The following ATP10B variants were observed in gnomAD, a reference collection of about 807,000 sequenced individuals.
ATP10B encodes ATPase phospholipid transporting 10B (putative).
In ATP10B, 122 loss-of-function variants were observed where a neutral mutation model predicts 141.2. That is an observed-to-expected ratio of 0.86 (90% confidence interval 0.75 to 1.00). ATP10B has a LOEUF of 1.00. Among genes scored for constraint, ATP10B ranks in the 50% least tolerant of loss-of-function variants. The probability of loss-of-function intolerance (pLI) is 0.00; values close to 1 mark genes in which losing one functional copy is unlikely to be tolerated. For missense variants in ATP10B, 1,876 were observed against 1,825.3 expected (o/e 1.03, Z -0.51); for synonymous variants, 685 against 692.0 (o/e 0.99, Z 0.16).
intron 3 of ATP10B, among the ~76,000 whole-genome samples, chr5:160,708,116 A>T (rs886581266): frequency 1.1e-4 from 17 of 152,136 alleles, no homozygotes; most frequent in African/African-American, 4.1e-4. Flanking sequence ...GATTGAGGCC[A>T]CTGAGGCAGA....
In ATP10B at chr5:160,824,698, A is replaced by ATATCTAAACAAACACTTTTTTTTATGTTT. The variant is rs377424748; in HGVS notation, c.-576+27242_-576+27243insAAACATAAAAAAAAGTGTTTGTTTAGATA. On this transcript the variant is annotated intron_variant, in intron 1 of 25. Transcript: ENST00000327245. Reference sequence around the variant, plus strand: ...TGTAACATAATGGTTAAGTGTTTGTATATCTAAACATAAAACAGGAAGAGT... The same window carrying ATATCTAAACAAACACTTTTTTTTATGTTT: ...TGTAACATAATGGTTAAGTGTTTGTATATCTAAACAAACACTTTTTTTTATGTTTTATCTAAACATAAAACAGGAAGAGT... Among the ~76,000 whole-genome samples, 909 of 152,316 alleles carry ATATCTAAACAAACACTTTTTTTTATGTTT rather than the reference A, an allele frequency of 6.0e-3. 13 individuals carry two copies. Among genetic ancestry groups the ATATCTAAACAAACACTTTTTTTTATGTTT allele is most frequent in the African/African-American group, 0.021 (865 of 41,556 alleles).
chr5:160,871,612 A>G, the ATP10B span, among the ~76,000 whole-genome samples: 1 of 152,190 alleles, frequency 6.6e-6, no homozygotes. Flanking sequence ...CAGTGAGAAC[A>G]TACGATGTTT....
chr5:160,679,376 G>C (rs139479855), intron 6 of ATP10B, among the ~76,000 whole-genome samples: 99 of 152,302 alleles, frequency 6.5e-4, no homozygotes, highest in African/African-American at 2.1e-3. Flanking sequence ...TCTTGGTCCT[G>C]GTCTTTCTAA....
At chr5:160,581,500 T>C (rs189802066) in intron 24 of ATP10B, among the ~76,000 whole-genome samples, 2,377 of 152,378 alleles carry the variant, frequency 0.016, 28 homozygotes, top group Middle Eastern at 0.075. Flanking sequence ...TTGATTGTGC[T>C]GTGGTCTGAG....
chr5:160,822,254 A>G (rs1437666942), intron 1 of ATP10B, among the ~76,000 whole-genome samples: 2 of 152,198 alleles, frequency 1.3e-5, no homozygotes, highest in Non-Finnish European at 2.9e-5. Flanking sequence ...AAACAGGTAT[A>G]TGAAAAGGTG....
At chr5:160,624,131 G>C (rs1486770842) in intron 13 of ATP10B, among the ~76,000 whole-genome samples, 1 of 152,168 alleles carries the variant, frequency 6.6e-6, no homozygotes, top group Admixed American at 6.5e-5. Flanking sequence ...GATAGACTGA[G>C]GGAATCTTGA....
intron 1 of ATP10B, among the ~76,000 whole-genome samples, chr5:160,816,390 T>G (rs1773628314): frequency 6.6e-6 from 1 of 151,980 alleles, no homozygotes; most frequent in African/African-American, 2.4e-5. Flanking sequence ...GCAAATACAC[T>G]AGAAAATCTA....
At chr5:160,590,894 T>A (rs1756242019) in intron 23 of ATP10B, among the ~76,000 whole-genome samples, 165 bp downstream of exon 23, 1 of 152,226 alleles carries the variant, frequency 6.6e-6, no homozygotes, top group South Asian at 2.1e-4. Context: ...GTTTGGGTAG[T>A]GTTCTGACTT....
At chr5:160,849,765 C>A (rs903674336) in intron 1 of ATP10B, among the ~76,000 whole-genome samples, 1 of 151,984 alleles carries the variant, frequency 6.6e-6, no homozygotes, top group Non-Finnish European at 1.5e-5. Context: ...CTAAACAATA[C>A]CCACTCCTAT....
upstream of ATP10B, among the ~76,000 whole-genome samples, chr5:160,855,236 T>C (rs1753966136): frequency 6.6e-6 from 1 of 152,154 alleles, no homozygotes; most frequent in Non-Finnish European, 1.5e-5. Context: ...TATACCATTT[T>C]ACTTTCTTAC....
At chr5:160,867,097 GT>G in the ATP10B span, among the ~76,000 whole-genome samples, 7 of 152,088 alleles carry the variant, frequency 4.6e-5, no homozygotes, top group African/African-American at 1.7e-4. Flanking sequence ...TTGAGCCTCA[GT>G]TTCTACATCT....
rs534734791 is a variant in ATP10B, at chr5:160,811,747, C to A, written c.-575-25944G>T. Among the ~76,000 whole-genome samples, 133 of 152,248 alleles carry A rather than the reference C, an allele frequency of 8.7e-4. No homozygotes were observed. In the South Asian group the frequency reaches 0.017, roughly 19 times the overall value. ...ATGGCTTCCAGACAGTATCTCTGGA[C>A]CCACCAAGGGCCTGGGGGAACTCAT... On this transcript the variant is annotated intron_variant, in intron 1 of 25. Transcript: ENST00000327245.
chr5:160,587,328 A>G (rs983712273), intron 24 of ATP10B, among the ~76,000 whole-genome samples: 1 of 151,694 alleles, frequency 6.6e-6, no homozygotes, highest in African/African-American at 2.4e-5. Context: ...TGTGTTGGTT[A>G]TTGTAGCCTT....
At chr5:160,917,978 G>T in the ATP10B span, among the ~76,000 whole-genome samples, 1 of 152,218 alleles carries the variant, frequency 6.6e-6, no homozygotes, top group African/African-American at 2.4e-5. Context: ...AGATGCTAAA[G>T]GGCTGCTCAA....
chr5:160,647,222 C>T (rs1464097644), intron 8 of ATP10B, among the ~76,000 whole-genome samples: 1 of 152,186 alleles, frequency 6.6e-6, no homozygotes, highest in Non-Finnish European at 1.5e-5. Flanking sequence ...ATTAACGGAA[C>T]CCACAGAAGC....
At chr5:160,865,038 A>G in the ATP10B span, among the ~76,000 whole-genome samples, 2 of 152,116 alleles carry the variant, frequency 1.3e-5, no homozygotes, top group African/African-American at 4.8e-5. Context: ...CCATTAAAAT[A>G]TCACCATCAT....
At chr5:160,860,169 G>T in the ATP10B span, among the ~76,000 whole-genome samples, 1 of 151,748 alleles carries the variant, frequency 6.6e-6, no homozygotes, top group Non-Finnish European at 1.5e-5. Flanking sequence ...GGATAATTTG[G>T]CTCATGAAAT....
chr5:160,834,494 T>C (rs1225478669), intron 1 of ATP10B, among the ~76,000 whole-genome samples: 3 of 152,116 alleles, frequency 2.0e-5, no homozygotes, highest in Non-Finnish European at 2.9e-5. Flanking sequence ...ATTTTACATA[T>C]ATCATTAATG....
At chr5:160,820,823 A>T (rs1774045815) in intron 1 of ATP10B, among the ~76,000 whole-genome samples, 1 of 152,160 alleles carries the variant, frequency 6.6e-6, no homozygotes, top group Non-Finnish European at 1.5e-5. Flanking sequence ...CTGAAAAAGC[A>T]TTTGATAATA....
Sources: allele counts gnomAD v4.1 joint callset (sites outside exome capture counted in the v4.1 genomes callset), GRCh38; gene constraint gnomAD v4.1.1; transcripts MANE v1.5; gene names NCBI Gene and HGNC (gene_info 2026-07-23, HGNC 2026-07-21).